INTS3: variants seen among roughly 807,000 people sequenced by gnomAD.
INTS3 encodes integrator complex subunit 3.
INTS3 carries 34 observed loss-of-function variants against 146.3 expected under a neutral mutation model. The ratio of observed to expected loss-of-function variants is 0.23; its 90% confidence interval spans 0.18 to 0.31. The LOEUF (loss-of-function observed/expected upper bound fraction) is 0.31. Ranked by LOEUF, INTS3 falls within the 10% of genes least tolerant of loss-of-function variation. The pLI is 1.00. For missense variants in INTS3, 757 were observed against 1,304.2 expected, an observed-to-expected ratio of 0.58 and a Z score of 6.46; for synonymous variants, 475 against 494.9, an observed-to-expected ratio of 0.96 and a Z score of 0.53.
chr1:153,759,628 C>G lies in INTS3; in HGVS notation c.1237+15C>G, dbSNP rs1314654508. On this transcript the variant is annotated intron_variant, in intron 11 of 29. Coordinates refer to ENST00000318967, the MANE Select transcript of INTS3 (RefSeq NM_023015.5). ...TATGAACATAGGTATGTGACCAAGA[C>G]CAGGCGGCTCCACTTCCCCATCCCC... 6.5e-7 allele frequency: 1 copy of G among 1,538,042 alleles called. No homozygotes were observed. Among genetic ancestry groups the G allele is most frequent in the South Asian group, 1.1e-5 (1 of 89,550 alleles).
chr1:153,733,062 C>T (rs1408793361), intron 1 of INTS3, among the ~76,000 whole-genome samples: 4 of 150,606 alleles, frequency 2.7e-5, no homozygotes, highest in Admixed American at 6.6e-5. Flanking sequence ...AGGCTGGTCT[C>T]GAACTCCTGA....
At chr1:153,733,294 C>T (rs1226408645) in intron 1 of INTS3, among the ~76,000 whole-genome samples, 3 of 146,952 alleles carry the variant, frequency 2.0e-5, no homozygotes, top group Non-Finnish European at 4.5e-5. Context: ...CTCACTGCAA[C>T]CTCCGCCCCC....
chr1:153,733,820 C>T (rs184174738), intron 1 of INTS3, among the ~76,000 whole-genome samples: 2 of 151,994 alleles, frequency 1.3e-5, no homozygotes, highest in Non-Finnish European at 2.9e-5. Context: ...GGCCAGGCTG[C>T]TCTCGATCTC....
chr1:153,747,400 G>C (rs752483510), intron 5 of INTS3, 37 bp downstream of exon 5: 1 of 1,456,548 alleles, frequency 6.9e-7, no homozygotes, highest in Non-Finnish European at 9.6e-7. Flanking sequence ...AAGAAAGGAG[G>C]AGAGCCCAGA....
chr1:153,735,160 C>T (rs970495242), intron 1 of INTS3, among the ~76,000 whole-genome samples: 5 of 152,012 alleles, frequency 3.3e-5, no homozygotes, highest in South Asian at 2.1e-4. Context: ...GTAGAGACAG[C>T]GGCTTCACTA....
At position 153,773,495 on chromosome 1, in the gene INTS3, C is replaced by T; in HGVS notation, c.*225C>T. ...GCCTCCAGCCCCTCACACTGCTGTT[C>T]CCAGTGATATTTGGGATCTGACTGA... On this transcript the variant is annotated 3_prime_UTR_variant, in exon 30 of 30. Transcript: ENST00000318967. 1.7e-6 allele frequency: 1 copy of T among 602,842 alleles called. No homozygotes were observed. The highest frequency in any genetic ancestry group is 3.0e-6 in the Non-Finnish European group (1 of 330,544). 37.3% of individuals were successfully genotyped at this position (602,842 alleles called of 1,614,324 possible).
intron 5 of INTS3, 94 bp from the exon 6 acceptor site, chr1:153,748,595 C>A: frequency 2.1e-6 from 2 of 956,344 alleles, no homozygotes; most frequent in Non-Finnish European, 3.4e-6. Flanking sequence ...AATGGGATGG[C>A]AGTCAGGGTG....
At chr1:153,772,000 C>T (rs765667627) in intron 26 of INTS3, 37 bp downstream of exon 26, 11 of 1,545,396 alleles carry the variant, frequency 7.1e-6, no homozygotes, top group African/African-American at 1.4e-5. Context: ...CAGGCCATGG[C>T]GGTCTGCAGT....
chr1:153,730,189 C>T (rs1003754004), intron 1 of INTS3, among the ~76,000 whole-genome samples: 2 of 152,218 alleles, frequency 1.3e-5, no homozygotes, highest in African/African-American at 4.8e-5. Flanking sequence ...TGTCTACTTG[C>T]AGTCTGCCTT....
At chr1:153,743,117 C>T (rs1302872333) in intron 3 of INTS3, among the ~76,000 whole-genome samples, 1 of 152,246 alleles carries the variant, frequency 6.6e-6, no homozygotes, top group Non-Finnish European at 1.5e-5. Context: ...CTCCCTAGAG[C>T]TTTGCTCCTT....
chr1:153,761,811 C>A, intron 14 of INTS3, 135 bp downstream of exon 14: 1 of 567,254 alleles, frequency 1.8e-6, no homozygotes. Context: ...TTTTTCCTTC[C>A]TCAGTTTATC....
Position 153,747,187 on chromosome 1 carries a change from T to C in INTS3, c.433-92T>C. 2.3e-6 allele frequency: 3 copies of C among 1,313,602 alleles called. No individual in the cohort carries two copies. The South Asian group carries it at 3.6e-5, about 16-fold the overall frequency. The allele number at this position is 1,313,602 out of a possible 1,614,324, so 81.4% of individuals were successfully genotyped here. ...ACACCCCTATCATTGTGTGTCTAAATTGTAATGTGCTCCTTTCAGTTGTAA... is the reference window on the plus strand; with the variant it reads ...ACACCCCTATCATTGTGTGTCTAAACTGTAATGTGCTCCTTTCAGTTGTAA... On this transcript the variant is annotated intron_variant, in intron 4 of 29. Coordinates refer to ENST00000318967, the MANE Select transcript of INTS3 (RefSeq NM_023015.5).
chr1:153,760,189 ACCAT>A lies in INTS3; in HGVS notation c.1238-121_1238-118del. The A allele has an allele frequency of 4.5e-6, 3 of 670,074 alleles. No homozygotes were observed. The South Asian group carries it at 5.9e-5, about 13-fold the overall frequency. 41.5% of individuals were successfully genotyped at this position (670,074 alleles called of 1,614,324 possible). On this transcript the variant is annotated intron_variant, in intron 11 of 29. Transcript: ENST00000318967. ...AGAGGCTTCAGTGAGCTGAGATCGT[ACCAT>A]TTGCACTCCAGCCTGGGTGACAGAG...
intron 20 of INTS3, chr1:153,767,385 C>A: frequency 2.9e-6 from 1 of 343,572 alleles, no homozygotes; most frequent in Non-Finnish European, 5.3e-6. Flanking sequence ...TCCAGCCTGA[C>A]CTGAGCCCTC....
intron 4 of INTS3, 52 bp downstream of exon 4, chr1:153,747,122 TTC>T (rs1671778972): frequency 7.2e-7 from 1 of 1,394,002 alleles, no homozygotes; most frequent in Non-Finnish European, 1.0e-6. Flanking sequence ...AGGATGGATC[TTC>T]TCTCTGTCAG....
At chr1:153,730,911 T>G (rs1671035907) in intron 1 of INTS3, among the ~76,000 whole-genome samples, 1 of 152,154 alleles carries the variant, frequency 6.6e-6, no homozygotes, top group Admixed American at 6.6e-5. Flanking sequence ...GGGCAAGACT[T>G]ACTGGCTTCT....
chr1:153,745,655 GAA>G (rs79582507), intron 3 of INTS3, among the ~76,000 whole-genome samples: 10 of 114,468 alleles, frequency 8.7e-5, no homozygotes, highest in Admixed American at 1.8e-4. Context: ...GAGACAGAGT[GAA>G]AAAAAAAAAA....
chr1:153,733,438 C>T (rs1409442679), intron 1 of INTS3, among the ~76,000 whole-genome samples: 4 of 150,960 alleles, frequency 2.6e-5, no homozygotes, highest in Admixed American at 6.6e-5. Flanking sequence ...CTCTCGAAGT[C>T]GTGACCTCGT....
At chr1:153,755,382 A>G (rs1002621157) in intron 9 of INTS3, among the ~76,000 whole-genome samples, 129 of 151,954 alleles carry the variant, frequency 8.5e-4, no homozygotes, top group African/African-American at 2.8e-3. Flanking sequence ...TCCTGCCTCA[A>G]TCTCCCAAGT....
Sources: gnomAD v4.1 joint callset for allele counts (sites outside exome capture counted in the v4.1 genomes callset) on GRCh38, gnomAD v4.1.1 for gene constraint, MANE v1.5 for transcripts, NCBI Gene and HGNC (gene_info 2026-07-23, HGNC 2026-07-21) for gene names.